The following EPHA5 variants were observed in gnomAD, a reference collection of about 807,000 sequenced individuals.
EPHA5 encodes the protein EPH receptor A5.
Under a neutral mutation model 105.0 loss-of-function variants are expected in EPHA5, and 60 were observed. The observed-to-expected ratio is 0.57, with a 90% CI of 0.46 to 0.71. The LOEUF (loss-of-function observed/expected upper bound fraction) is 0.71. Among genes scored for constraint, EPHA5 ranks in the 30% least tolerant of loss-of-function variants. The pLI is 0.00. For missense variants in EPHA5, 1,218 were observed against 1,274.7 expected, an observed-to-expected ratio of 0.96 and a Z score of 0.68; for synonymous variants, 513 against 449.1, an observed-to-expected ratio of 1.14 and a Z score of -1.80.
rs74507029 is a variant in EPHA5, at chr4:65,515,380, G to A, written c.911-19837C>T. Among the ~76,000 whole-genome samples, 141 of 152,134 alleles carry A rather than the reference G, an allele frequency of 9.3e-4. 2 individuals carry two copies. In the East Asian group the frequency reaches 0.024, roughly 26 times the overall value. On this transcript the variant is annotated intron_variant, in intron 3 of 16. Coordinates refer to ENST00000613740, the MANE Select transcript of EPHA5 (RefSeq NM_001281766.3). ...AAACCAGCTTACCAATTCTACGAAT[G>A]AAGTCTGTTAAAATTTTAACTCTGG...
In EPHA5 at chr4:65,348,816, T is replaced by TA. The variant is rs1553896844; in HGVS notation, c.2446-614_2446-613insT. On this transcript the variant is annotated intron_variant, in intron 13 of 16. Coordinates refer to ENST00000613740, the MANE Select transcript of EPHA5 (RefSeq NM_001281766.3). ...GTGTATATATATATATATATATATATTTTTTTTTTTTTTTTTTGAGACAGG... is the reference window on the plus strand; with the variant it reads ...GTGTATATATATATATATATATATATATTTTTTTTTTTTTTTTTGAGACAGG... 6.1e-3 allele frequency among the ~76,000 whole-genome samples: 166 copies of TA among 27,030 alleles called. 5 individuals are homozygous for TA. The highest frequency in any genetic ancestry group is 0.015 in the African/African-American group (137 of 9,192). 17.7% of individuals were successfully genotyped at this position (27,030 alleles called of 152,430 possible). A position where few individuals can be genotyped will look rare whatever the true frequency, so the allele number is the denominator to read the frequency against.
At chr4:65,326,572 T>C (rs765340453) in intron 16 of EPHA5, among the ~76,000 whole-genome samples, 8 of 151,316 alleles carry the variant, frequency 5.3e-5, no homozygotes, top group Non-Finnish European at 8.9e-5. Flanking sequence ...TTATAAAGAA[T>C]TATGTAGATG....
At chr4:65,561,634 C>T (rs1280232368) in intron 3 of EPHA5, among the ~76,000 whole-genome samples, 1 of 151,986 alleles carries the variant, frequency 6.6e-6, no homozygotes, top group East Asian at 1.9e-4. Flanking sequence ...AACATTAAGC[C>T]CCAGAAATTA....
At chr4:65,517,311 C>T (rs1734200868) in intron 3 of EPHA5, among the ~76,000 whole-genome samples, 2 of 151,492 alleles carry the variant, frequency 1.3e-5, no homozygotes, top group African/African-American at 4.8e-5. Flanking sequence ...TTCCTTTTTG[C>T]TTGGTATGTT....
rs568515123 is a variant in EPHA5 at position 65,535,530 on chromosome 4, C to T, written c.911-39987G>A. On this transcript the variant is annotated intron_variant, in intron 3 of 16. Transcript: ENST00000613740. Reference sequence around the variant, plus strand: ...TAGAACATATATATTCATCCTCTTTCCCATCCCATCAGTTAGTATTATAAA... The same window carrying T: ...TAGAACATATATATTCATCCTCTTTTCCATCCCATCAGTTAGTATTATAAA... Among the ~76,000 whole-genome samples, 278 of 152,172 alleles carry T rather than the reference C, an allele frequency of 1.8e-3. 1 individual carries two copies. The highest frequency in any genetic ancestry group is 3.2e-3 in the Non-Finnish European group (218 of 67,980).
intron 3 of EPHA5, among the ~76,000 whole-genome samples, chr4:65,566,369 T>G (rs1739533773): frequency 6.6e-6 from 1 of 151,760 alleles, no homozygotes; most frequent in Non-Finnish European, 1.5e-5. Context: ...TCACACAAAT[T>G]GACACCTCAC....
intron 11 of EPHA5, among the ~76,000 whole-genome samples, chr4:65,355,633 G>A (rs371695125): frequency 4.6e-5 from 7 of 151,454 alleles, no homozygotes; most frequent in African/African-American, 9.7e-5. Flanking sequence ...GTTTGGGCAC[G>A]GGTATCTATA....
intron 1 of EPHA5, among the ~76,000 whole-genome samples, chr4:65,662,105 G>A (rs1749605550): frequency 6.6e-6 from 1 of 151,964 alleles, no homozygotes; most frequent in Admixed American, 6.6e-5. Flanking sequence ...GATGGAAGGA[G>A]GGAGGAAGAG....
chr4:65,571,723 C>T (rs1400605250), intron 3 of EPHA5, among the ~76,000 whole-genome samples: 2 of 151,976 alleles, frequency 1.3e-5, no homozygotes, highest in African/African-American at 2.4e-5. Flanking sequence ...ATTTTTGTCA[C>T]AAGGGGCTTG....
rs773351648 is a variant in EPHA5 at position 65,364,993 on chromosome 4, T to A, written c.2173+24A>T. ...CAGATATTGAGGATATGCACACACATGTATAATTTGCCATCATACTTACTT... is the reference window on the plus strand; with the variant it reads ...CAGATATTGAGGATATGCACACACAAGTATAATTTGCCATCATACTTACTT... On this transcript the variant is annotated intron_variant, in intron 11 of 16. Transcript: ENST00000613740. 3.1e-6 allele frequency: 5 copies of A among 1,595,054 alleles called. No homozygotes were observed. In the African/African-American group the frequency reaches 6.7e-5, roughly 21 times the overall value.
chr4:65,504,751 C>T (rs1295831130), intron 3 of EPHA5, among the ~76,000 whole-genome samples: 1 of 151,850 alleles, frequency 6.6e-6, no homozygotes, highest in Admixed American at 6.6e-5. Flanking sequence ...AATTGAACCT[C>T]CACTGAAATA....
intron 16 of EPHA5, among the ~76,000 whole-genome samples, chr4:65,329,809 CTTTT>C (rs5858950): frequency 3.6e-5 from 5 of 137,448 alleles, no homozygotes; most frequent in Admixed American, 7.3e-5. Context: ...CAATGACTGA[CTTTT>C]TTTTTTTTTT....
At chr4:65,529,242 A>G (rs1735533628) in intron 3 of EPHA5, among the ~76,000 whole-genome samples, 2 of 152,260 alleles carry the variant, frequency 1.3e-5, no homozygotes, top group African/African-American at 4.8e-5. Flanking sequence ...AATCTTTCAA[A>G]TCCCCAAACA....
intron 3 of EPHA5, among the ~76,000 whole-genome samples, chr4:65,511,197 C>A (rs964767166): frequency 6.6e-6 from 1 of 152,124 alleles, no homozygotes; most frequent in Non-Finnish European, 1.5e-5. Flanking sequence ...CCCAAGCTGA[C>A]TAATGTTACA....
chr4:65,657,859 A>C (rs1394537302), intron 1 of EPHA5, among the ~76,000 whole-genome samples: 1 of 150,452 alleles, frequency 6.6e-6, no homozygotes, highest in East Asian at 2.0e-4. Flanking sequence ...GAGTTTACAG[A>C]CAGGCAAGCT....
chr4:65,523,906 G>A (rs1364101446), intron 3 of EPHA5, among the ~76,000 whole-genome samples: 3 of 151,798 alleles, frequency 2.0e-5, no homozygotes, highest in Non-Finnish European at 4.4e-5. Flanking sequence ...TATCACAAGA[G>A]TGAAGGTTAT....
In EPHA5 at chr4:65,331,084, T is replaced by C. The variant is rs375656701; in HGVS notation, c.2945+889A>G. ...ATGTGTACAAATAAAATAACAACTA[T>C]GGTTTAGTGCTTCAGAATATTCTAC... On this transcript the variant is annotated intron_variant, in intron 16 of 16. Coordinates refer to ENST00000613740, the MANE Select transcript of EPHA5 (RefSeq NM_001281766.3). The C allele has an allele frequency of 2.3e-5, 24 of 1,041,898 alleles. No homozygotes were observed. The East Asian group carries it at 6.2e-4, about 27-fold the overall frequency. 64.5% of individuals were successfully genotyped at this position (1,041,898 alleles called of 1,614,324 possible).
chr4:65,423,646 C>T (rs140721011), intron 5 of EPHA5, among the ~76,000 whole-genome samples: 3 of 150,788 alleles, frequency 2.0e-5, no homozygotes, highest in Admixed American at 6.6e-5. Context: ...CTTTGATATA[C>T]CCCCATCATT....
chr4:65,572,349 C>G (rs1042587520), intron 3 of EPHA5, among the ~76,000 whole-genome samples: 7 of 152,170 alleles, frequency 4.6e-5, no homozygotes, highest in African/African-American at 1.7e-4. Flanking sequence ...GTGATTTTAT[C>G]CCCTTGATAT....
Sources: allele counts gnomAD v4.1 joint callset (sites outside exome capture counted in the v4.1 genomes callset), GRCh38; gene constraint gnomAD v4.1.1; transcripts MANE v1.5; gene names NCBI Gene and HGNC (gene_info 2026-07-23, HGNC 2026-07-21).